ANK2: variants seen among roughly 807,000 people sequenced by gnomAD.
The protein encoded by ANK2 is ankyrin-2.
ANK2 carries 83 observed loss-of-function variants against 360.5 expected under a neutral mutation model. The ratio of observed to expected loss-of-function variants is 0.23; its 90% CI spans 0.19 to 0.28. The LOEUF is 0.28. Ranked by LOEUF, ANK2 falls within the 10% of genes least tolerant of loss-of-function variation. The pLI, the probability that ANK2 is intolerant of heterozygous loss-of-function variation, is 1.00. For missense variants in ANK2, 4,201 were observed against 4,795.7 expected (o/e 0.88, Z 3.66); for synonymous variants, 1,740 against 1,759.5 (o/e 0.99, Z 0.28).
At chr4:113,236,828 A>T (rs148460502) in intron 5 of ANK2, among the ~76,000 whole-genome samples, 159 bp from the exon 6 acceptor site, 1 of 152,242 alleles carries the variant, frequency 6.6e-6, no homozygotes, top group African/African-American at 2.4e-5. Flanking sequence ...CCATAATATG[A>T]TGGATAACTG....
chr4:112,970,597 G>T (rs969379405), intron 2 of ANK2, among the ~76,000 whole-genome samples: 9 of 152,054 alleles, frequency 5.9e-5, no homozygotes, highest in Non-Finnish European at 1.2e-4. Context: ...CTTGTAATCT[G>T]CCTGCTTCTT....
intron 2 of ANK2, among the ~76,000 whole-genome samples, chr4:112,923,983 A>G (rs1198420614): frequency 1.3e-5 from 2 of 152,226 alleles, no homozygotes; most frequent in Non-Finnish European, 2.9e-5. Context: ...ATGAAGAATG[A>G]TATATAAAAA....
chr4:113,264,407 A>C (rs1290663648), intron 13 of ANK2, among the ~76,000 whole-genome samples: 2 of 152,228 alleles, frequency 1.3e-5, no homozygotes, highest in Non-Finnish European at 2.9e-5. Flanking sequence ...AGAAAACTTC[A>C]TCACCAAAAT....
chr4:113,144,448 CT>C (rs1207204301), intron 1 of ANK2, among the ~76,000 whole-genome samples: 1 of 151,168 alleles, frequency 6.6e-6, no homozygotes, highest in Non-Finnish European at 1.5e-5. Flanking sequence ...TGGTTTTTAG[CT>C]TTAAAAAAAA....
At chr4:112,753,088 TC>T in the ANK2 span, among the ~76,000 whole-genome samples, 1 of 152,188 alleles carries the variant, frequency 6.6e-6, no homozygotes, top group Non-Finnish European at 1.5e-5. Context: ...CAGGTCTCCA[TC>T]CCATATTATT....
chr4:113,377,362 T>C (rs186358997), intron 45 of ANK2, among the ~76,000 whole-genome samples: 28 of 152,312 alleles, frequency 1.8e-4, no homozygotes, highest in African/African-American at 6.5e-4. Flanking sequence ...TTTAGCTCCA[T>C]TATAATCTTA....
the ANK2 span, among the ~76,000 whole-genome samples, chr4:112,730,070 A>G: frequency 3.3e-5 from 5 of 152,028 alleles, no homozygotes; most frequent in Admixed American, 2.0e-4. Context: ...CCTGGCCAAT[A>G]TGGTGAAACC....
At chr4:112,989,005 T>C (rs2045869029) in intron 2 of ANK2, among the ~76,000 whole-genome samples, 1 of 152,210 alleles carries the variant, frequency 6.6e-6, no homozygotes, top group African/African-American at 2.4e-5. Flanking sequence ...CAAATGCTGC[T>C]TTAATTTTGT....
At chr4:112,916,172 T>G (rs2089763230) in intron 2 of ANK2, among the ~76,000 whole-genome samples, 1 of 152,244 alleles carries the variant, frequency 6.6e-6, no homozygotes, top group African/African-American at 2.4e-5. Context: ...TCTGAATTAA[T>G]AAACCAGTCA....
chr4:113,009,278 C>T (rs2053945549), intron 2 of ANK2, among the ~76,000 whole-genome samples: 1 of 152,106 alleles, frequency 6.6e-6, no homozygotes, highest in African/African-American at 2.4e-5. Flanking sequence ...TAAATATATT[C>T]TGAAAACTAC....
chr4:113,178,077 C>T (rs752153258), intron 2 of ANK2, among the ~76,000 whole-genome samples: 30 of 152,060 alleles, frequency 2.0e-4, no homozygotes, highest in Non-Finnish European at 2.4e-4. Flanking sequence ...TTCCCTGACT[C>T]GCCAGGTATA....
intron 2 of ANK2, among the ~76,000 whole-genome samples, chr4:112,924,135 C>T (rs770771152): frequency 6.6e-6 from 1 of 151,762 alleles, no homozygotes. Context: ...TTTGGGAGGC[C>T]GAGGCGTGGG....
At chr4:113,308,251 G>A (rs886553669) in intron 23 of ANK2, among the ~76,000 whole-genome samples, 3 of 152,214 alleles carry the variant, frequency 2.0e-5, no homozygotes, top group African/African-American at 4.8e-5. Context: ...GCTTGGGCAA[G>A]GAAGTAGTCG....
the ANK2 span, among the ~76,000 whole-genome samples, chr4:112,784,693 T>TC: frequency 6.6e-6 from 1 of 152,066 alleles, no homozygotes; most frequent in Non-Finnish European, 1.5e-5. Flanking sequence ...CCTTAGCCTC[T>TC]CCAAGTGCTG....
At chr4:113,106,204 T>C (rs1391437559) in intron 1 of ANK2, among the ~76,000 whole-genome samples, 1 of 152,198 alleles carries the variant, frequency 6.6e-6, no homozygotes, top group Non-Finnish European at 1.5e-5. Flanking sequence ...CTAAACCTTA[T>C]GAAGACTTTT....
intron 1 of ANK2, among the ~76,000 whole-genome samples, chr4:113,172,635 G>T (rs910510074): frequency 6.6e-6 from 1 of 152,026 alleles, no homozygotes; most frequent in Non-Finnish European, 1.5e-5. Flanking sequence ...TGTACAAATT[G>T]GAAGTACTTT....
the ANK2 span, among the ~76,000 whole-genome samples, chr4:112,743,339 A>T: frequency 6.6e-6 from 1 of 152,144 alleles, no homozygotes; most frequent in East Asian, 1.9e-4. Context: ...TTTTCACATT[A>T]AAAGAATGTT....
chr4:113,282,025 G>T (rs1390364814), intron 17 of ANK2, among the ~76,000 whole-genome samples: 4 of 152,148 alleles, frequency 2.6e-5, no homozygotes, highest in Non-Finnish European at 5.9e-5. Flanking sequence ...ACACTGCTCG[G>T]CATATTCTAG....
At chr4:113,363,245 TA>T in intron 39 of ANK2, 92 bp from the exon 40 acceptor site, 1 of 1,296,726 alleles carries the variant, frequency 7.7e-7, no homozygotes, top group Non-Finnish European at 1.1e-6. Context: ...CACCACAATA[TA>T]AAGAACACAT....
Sources: gnomAD v4.1 joint callset for allele counts (sites outside exome capture counted in the v4.1 genomes callset) on GRCh38, gnomAD v4.1.1 for gene constraint, MANE v1.5 for transcripts, NCBI Gene and HGNC (gene_info 2026-07-23, HGNC 2026-07-21) for gene names.